SETD5: variants seen among roughly 807,000 people sequenced by gnomAD.
The protein encoded by SETD5 is SET domain containing 5, also known as histone-lysine N-methyltransferase SETD5.
Under a neutral mutation model 153.3 loss-of-function variants are expected in SETD5, and 44 were observed. The ratio of observed to expected loss-of-function variants is 0.29; its 90% CI spans 0.23 to 0.37. SETD5 has a LOEUF of 0.37. SETD5 is among the 10% of genes least tolerant of loss of function. The probability of loss-of-function intolerance (pLI) is 1.00; values close to 1 mark genes in which losing one functional copy is unlikely to be tolerated. For synonymous variants in SETD5, 716 were observed against 645.2 expected, an observed-to-expected ratio of 1.11 and a Z score of -1.66; for missense variants, 1,544 against 1,768.0, an observed-to-expected ratio of 0.87 and a Z score of 2.27.
Position 9,440,664 on chromosome 3 carries a change from C to G in SETD5, c.776C>G (p.Ala259Gly). Reference sequence around the variant, plus strand: ...GACACTATTAATAAGACTGAATTGGCCTGTAATAACACAGTTATTGGTTCC... The same window carrying G: ...GACACTATTAATAAGACTGAATTGGGCTGTAATAACACAGTTATTGGTTCC... Reference protein sequence around the residue: ...ILDTINKTELACNNTVIGSQM... With the variant: ...ILDTINKTELGCNNTVIGSQM... Residue 259 changes from alanine to glycine, a missense_variant, in exon 8 of 23, where the codon GCC (alanine) becomes GGC (glycine). By Grantham distance (60) the Ala-to-Gly change is moderately conservative. Transcript: ENST00000402198. 6.2e-7 allele frequency: 1 copy of G among 1,613,428 alleles called. No homozygotes were observed. The highest frequency in any genetic ancestry group is 8.5e-7 in the Non-Finnish European group (1 of 1,179,674).
rs776351904 is a variant in SETD5 at position 9,447,153 on chromosome 3, T to C, written c.1628T>C (p.Val543Ala). ...CCCTTGGAACAGAGCAACTCTGATG[T>C]AGAGATTACTACAACCACCTCAGAG... ...DQPLEQSNSDVEITTTTSETP... is the reference protein window; with the variant it reads ...DQPLEQSNSDAEITTTTSETP... The change falls in exon 14 of 23, where the codon GTA (valine) becomes GCA (alanine). Residue 543 changes from valine (V) to alanine (A), a missense_variant. Physicochemically the swap from Val to Ala is moderately conservative, Grantham distance 64. Transcript: ENST00000402198. The C allele has an allele frequency of 1.2e-6, 2 of 1,614,006 alleles. No individual in the cohort carries two copies. Among genetic ancestry groups the C allele is most frequent in the Non-Finnish European group, 8.5e-7 (1 of 1,179,892 alleles).
rs2039686956 is a variant in SETD5 at position 9,429,322 on chromosome 3, G to A, written c.71+313G>A. ...AAAGTAGGTGTTACTACCTGCTTCTGTAGAGTTAATGATTCTGATGGAGGG... is the reference window on the plus strand; with the variant it reads ...AAAGTAGGTGTTACTACCTGCTTCTATAGAGTTAATGATTCTGATGGAGGG... On this transcript the variant is annotated intron_variant, in intron 3 of 22. Transcript: ENST00000402198. 3 of 201,596 alleles carry A rather than the reference G, an allele frequency of 1.5e-5. No homozygotes were observed. In the South Asian group the frequency reaches 2.3e-4, roughly 16 times the overall value. 12.5% of individuals were successfully genotyped at this position (201,596 alleles called of 1,614,324 possible). A position where few individuals can be genotyped will look rare whatever the true frequency, so the allele number is the denominator to read the frequency against.
intron 18 of SETD5, among the ~76,000 whole-genome samples, chr3:9,469,055 G>A (rs1239332444): frequency 1.3e-5 from 2 of 152,114 alleles, no homozygotes; most frequent in African/African-American, 4.8e-5. Context: ...TTGACCTTTG[G>A]TTGATAGATT....
At position 9,442,188 on chromosome 3, in the gene SETD5, C is replaced by G. The variant is rs1253998322; in HGVS notation, c.1020C>G (p.Ala340=). The change falls in exon 10 of 23, where the codon GCC becomes GCG. Residue 340 remains alanine (A), a synonymous_variant. Coordinates refer to ENST00000402198, the MANE Select transcript of SETD5 (RefSeq NM_001080517.3). ...KFNGVEMCVD[A]RTFGNDARFI... is the part of the protein sequence containing the mutation. ...ATGGTGTAGAGATGTGTGTGGATGC[C>G]CGTACTTTCGGTAATGATGCTCGGT... 2 of 1,610,608 alleles carry G rather than the reference C, an allele frequency of 1.2e-6. No individual in the cohort carries two copies. Among genetic ancestry groups the G allele is most frequent in the Non-Finnish European group, 1.7e-6 (2 of 1,178,852 alleles).
Position 9,467,795 on chromosome 3 carries a change from C to T in SETD5, c.2725-2664C>T, listed in dbSNP as rs181048006. 1.9e-3 allele frequency among the ~76,000 whole-genome samples: 294 copies of T among 152,172 alleles called. 6 individuals are homozygous for T. The highest frequency in any genetic ancestry group is 6.5e-3 in the African/African-American group (269 of 41,512). ...CACCTGAAAGTCCCAAGGTAAAGTCCTACCCTCTGTAGGATACAGGGACCT... is the reference window on the plus strand; with the variant it reads ...CACCTGAAAGTCCCAAGGTAAAGTCTTACCCTCTGTAGGATACAGGGACCT... On this transcript the variant is annotated intron_variant, in intron 18 of 22. Transcript: ENST00000402198.
chr3:9,433,665 A>G, intron 3 of SETD5, 180 bp from the exon 4 acceptor site: 1 of 856,728 alleles, frequency 1.2e-6, no homozygotes, highest in Non-Finnish European at 1.7e-6. Flanking sequence ...ACATTTAATA[A>G]CACTCCTACT....
intron 1 of SETD5, among the ~76,000 whole-genome samples, chr3:9,400,946 G>A (rs960729139): frequency 1.3e-5 from 2 of 152,196 alleles, no homozygotes; most frequent in Non-Finnish European, 2.9e-5. Flanking sequence ...ACATATTCCT[G>A]TGTGCTGTTT....
chr3:9,462,776 G>T (rs1279328705), intron 17 of SETD5, among the ~76,000 whole-genome samples: 1 of 151,934 alleles, frequency 6.6e-6, no homozygotes, highest in Non-Finnish European at 1.5e-5. Context: ...ATGGGAGCAA[G>T]AATACCTGTT....
At position 9,434,767 on chromosome 3, in the gene SETD5, C is replaced by T; in HGVS notation, c.330-57C>T. 1 of 1,569,246 alleles carries T rather than the reference C, an allele frequency of 6.4e-7. No homozygotes were observed. The highest frequency in any genetic ancestry group is 8.7e-7 in the Non-Finnish European group (1 of 1,155,602). On this transcript the variant is annotated intron_variant, in intron 5 of 22. Transcript: ENST00000402198. The surrounding 1 kb of genome is among the most constrained non-coding windows in gnomAD (Gnocchi z 5.6). ...TGCAGAGACACTTCGCCCATGTGTG[C>T]TATGATGTGATGCATGCTGTTGGAA...
At position 9,447,056 on chromosome 3, in the gene SETD5, G is replaced by A; in HGVS notation, c.1531G>A (p.Glu511Lys). 2 of 1,609,518 alleles carry A rather than the reference G, an allele frequency of 1.2e-6. No individual in the cohort carries two copies. The highest frequency in any genetic ancestry group is 1.7e-6 in the Non-Finnish European group (2 of 1,177,574). Reference protein sequence around the residue: ...ENLAHSRRTREDRKVEAIMHA... With the variant: ...ENLAHSRRTRKDRKVEAIMHA... ...CAGTACTATCTCTTTCTAGACCAGG[G>A]AAGATAGAAAGGTAGAAGCCATCAT... Residue 511 changes from glutamate (E) to lysine (K), a missense_variant, in exon 14 of 23, where the codon GAA (glutamate) becomes AAA (lysine). By Grantham distance (56) the Glu-to-Lys change is moderately conservative. This residue lies in a region of SETD5 where 782 missense variants were observed against 787.2 expected (regional missense o/e 0.99). Transcript: ENST00000402198.
At chr3:9,475,040 A>T (rs776402581) in intron 21 of SETD5, 28 bp from the exon 22 acceptor site, 7 of 1,525,296 alleles carry the variant, frequency 4.6e-6, no homozygotes, top group Non-Finnish European at 6.2e-6. Context: ...AGCCAAGTTG[A>T]TTTTTTTTTA....
intron 18 of SETD5, among the ~76,000 whole-genome samples, chr3:9,466,690 G>C (rs573379252): frequency 1.6e-3 from 247 of 152,124 alleles, no homozygotes; most frequent in African/African-American, 5.7e-3. Context: ...TGTAGCAAAG[G>C]CTGTGACACA....
intron 2 of SETD5, among the ~76,000 whole-genome samples, chr3:9,427,893 T>TTA (rs2039499396): frequency 6.6e-6 from 1 of 152,242 alleles, no homozygotes; most frequent in South Asian, 2.1e-4. Flanking sequence ...TTGCATTTTT[T>TTA]TATACTTCAG....
chr3:9,456,912 G>C (rs2043317891), intron 17 of SETD5, among the ~76,000 whole-genome samples: 1 of 152,096 alleles, frequency 6.6e-6, no homozygotes, highest in Admixed American at 6.6e-5. Flanking sequence ...GGAGGCAGAA[G>C]TTGCAGTGAG....
In SETD5 at chr3:9,475,078, T is replaced by C. The variant is rs1373444326; in HGVS notation, c.3642T>C (p.Asp1214=). The stretch of plus-strand genomic sequence containing the variant: ...TATGTTACCTTCCAGACCCTGCAGA[T>C]GGAGAAGGCCCAGAGACATTAAGCT... ...NITEKDSDPA[D]GEGPETLSSA... The change falls in exon 22 of 23, where the codon GAT becomes GAC. Residue 1214 remains aspartate (D), a synonymous_variant. Transcript: ENST00000402198. 1 of 1,584,692 alleles carries C rather than the reference T, an allele frequency of 6.3e-7. No individual in the cohort carries two copies. Among genetic ancestry groups the C allele is most frequent in the Non-Finnish European group, 8.6e-7 (1 of 1,165,590 alleles).
intron 3 of SETD5, chr3:9,431,523 T>A (rs1273538992): frequency 2.0e-6 from 2 of 979,454 alleles, no homozygotes; most frequent in Non-Finnish European, 2.4e-6. Flanking sequence ...CCTGTAAGTG[T>A]CTAACTGTGT....
Position 9,434,869 on chromosome 3 carries a change from G to A in SETD5, c.375G>A (p.Gln125=). 2 of 1,613,482 alleles carry A rather than the reference G, an allele frequency of 1.2e-6. No individual in the cohort carries two copies. Among genetic ancestry groups the A allele is most frequent in the Non-Finnish European group, 1.7e-6 (2 of 1,179,700 alleles). The change falls in exon 6 of 23, where the codon CAG becomes CAA. Residue 125 remains glutamine, a synonymous_variant. Coordinates refer to ENST00000402198, the MANE Select transcript of SETD5 (RefSeq NM_001080517.3). This position sits in a 1 kb window ranked among gnomAD's most constrained non-coding sequence, Gnocchi z 5.6. ...GKVIRLHRRK[Q]DNISGGDSSA... ...TTATTAGACTTCATCGGCGGAAGCA[G>A]GACAACATATCAGGTGAGCGGAAGA...
intron 12 of SETD5, 96 bp from the exon 13 acceptor site, chr3:9,445,561 T>A (rs2041837823): frequency 9.0e-7 from 1 of 1,117,190 alleles, no homozygotes; most frequent in African/African-American, 1.6e-5. Flanking sequence ...TTTAAAGCAC[T>A]AGAGATTGTT....
At chr3:9,423,369 G>T (rs1174389657) in intron 1 of SETD5, 1 of 152,228 alleles carries the variant, frequency 6.6e-6, no homozygotes, top group Non-Finnish European at 1.5e-5. Flanking sequence ...GATACAGGCT[G>T]TGTCTGTTTC....
Sources: allele counts gnomAD v4.1 joint callset (sites outside exome capture counted in the v4.1 genomes callset), GRCh38; gene constraint gnomAD v4.1.1; regional missense constraint gnomAD v4.1.1; non-coding constraint Gnocchi (gnomAD v3.1); transcripts MANE v1.5; gene names NCBI Gene and HGNC (gene_info 2026-07-23, HGNC 2026-07-21).